The following KIAA1217 variants were observed in gnomAD, a reference collection of about 807,000 sequenced individuals.
The protein encoded by KIAA1217 is KIAA1217, also known as sickle tail protein homolog.
A neutral mutation model predicts 163.9 loss-of-function variants in KIAA1217; 88 were observed. The ratio of observed to expected loss-of-function variants is 0.54; its 90% CI spans 0.45 to 0.64. KIAA1217 has a LOEUF of 0.64. KIAA1217 is among the 30% of genes least tolerant of loss of function. KIAA1217 has a pLI of 0.00. For synonymous variants in KIAA1217, 903 were observed against 923.1 expected, an observed-to-expected ratio of 0.98 and a Z score of 0.39; for missense variants, 2,372 against 2,475.0, an observed-to-expected ratio of 0.96 and a Z score of 0.88.
chr10:24,223,453 T>G (rs1325706750), intron 2 of KIAA1217, among the ~76,000 whole-genome samples: 1 of 152,156 alleles, frequency 6.6e-6, no homozygotes, highest in Admixed American at 6.5e-5. Context: ...CTGGACCTTC[T>G]CAGTATGGAC....
chr10:23,837,881 AC>A (rs1280546077), intron 1 of KIAA1217, among the ~76,000 whole-genome samples: 2 of 152,076 alleles, frequency 1.3e-5, no homozygotes, highest in African/African-American at 4.8e-5. Flanking sequence ...ACTTCGTCAT[AC>A]TGGCTGTTAT....
At chr10:24,317,169 ATGAT>A (rs375945004) in intron 2 of KIAA1217, among the ~76,000 whole-genome samples, 32 of 152,326 alleles carry the variant, frequency 2.1e-4, no homozygotes, top group Admixed American at 4.6e-4. Flanking sequence ...GAGAGCAGAA[ATGAT>A]TGATTATGTT....
intron 2 of KIAA1217, among the ~76,000 whole-genome samples, chr10:24,051,747 T>A (rs922483264): frequency 2.0e-5 from 3 of 152,196 alleles, no homozygotes; most frequent in Non-Finnish European, 2.9e-5. Context: ...TATTTGTATA[T>A]CTTCTTTTGA....
chr10:24,104,468 T>C (rs541465092), intron 2 of KIAA1217, among the ~76,000 whole-genome samples: 69 of 152,082 alleles, frequency 4.5e-4, no homozygotes, highest in African/African-American at 1.6e-3. Flanking sequence ...AAAAGGCAAC[T>C]AGGGAGAAAG....
intron 2 of KIAA1217, among the ~76,000 whole-genome samples, chr10:24,070,031 T>C (rs1037592369): frequency 5.9e-5 from 9 of 152,140 alleles, no homozygotes; most frequent in Non-Finnish European, 1.2e-4. Context: ...GTAGAGATAG[T>C]GTCTCACTGT....
chr10:24,479,358 C>T (rs998286981), intron 6 of KIAA1217, among the ~76,000 whole-genome samples: 3 of 151,890 alleles, frequency 2.0e-5, no homozygotes, highest in African/African-American at 4.9e-5. Flanking sequence ...ACTGGAAGAC[C>T]TTTGAAGATT....
At chr10:24,524,992 AGGT>A (rs1398269440) in intron 13 of KIAA1217, among the ~76,000 whole-genome samples, 4 of 151,838 alleles carry the variant, frequency 2.6e-5, no homozygotes, top group African/African-American at 9.7e-5. Flanking sequence ...GCCTGTAGGA[AGGT>A]GAGACACCTG....
intron 2 of KIAA1217, among the ~76,000 whole-genome samples, chr10:24,366,136 T>C (rs2050749625): frequency 6.6e-6 from 1 of 152,190 alleles, no homozygotes; most frequent in African/African-American, 2.4e-5. Flanking sequence ...GCCATGTTTT[T>C]TTAAAAAGTT....
At chr10:24,108,266 T>C (rs932575349) in intron 2 of KIAA1217, among the ~76,000 whole-genome samples, 2 of 152,216 alleles carry the variant, frequency 1.3e-5, no homozygotes, top group African/African-American at 4.8e-5. Context: ...CTAGGATTAC[T>C]TCACAGCCAA....
In KIAA1217 at chr10:24,088,798, G is replaced by C. The variant is rs2061816272; in HGVS notation, c.-171+81424G>C. Among the ~76,000 whole-genome samples the C allele has an allele frequency of 2.4e-5, 3 of 124,216 alleles. 1 individual carries two copies. The highest frequency in any genetic ancestry group is 2.0e-5 in the Non-Finnish European group (1 of 50,212). The allele number at this position is 124,216 out of a possible 152,430, so 81.5% of individuals were successfully genotyped here. A position where few individuals can be genotyped will look rare whatever the true frequency, so the allele number is the denominator to read the frequency against. On this transcript the variant is annotated intron_variant, in intron 2 of 18. Coordinates refer to the KIAA1217 transcript ENST00000376462. Reference sequence around the variant, plus strand: ...ATAGCAGCATGATTTATAAGCCTTTGGGTATATATCCAGTAATGGGATGGC... The same window carrying C: ...ATAGCAGCATGATTTATAAGCCTTTCGGTATATATCCAGTAATGGGATGGC...
intron 2 of KIAA1217, among the ~76,000 whole-genome samples, chr10:24,261,535 C>G (rs2075727785): frequency 6.6e-6 from 1 of 151,044 alleles, no homozygotes; most frequent in Non-Finnish European, 1.5e-5. Context: ...TGGTGCTGAG[C>G]TGACCTCTTG....
chr10:24,368,047 T>G (rs1036535251), intron 2 of KIAA1217, among the ~76,000 whole-genome samples: 2 of 152,228 alleles, frequency 1.3e-5, no homozygotes, highest in Non-Finnish European at 2.9e-5. Flanking sequence ...AAGCTCAATT[T>G]AGAAAGTTCC....
intron 1 of KIAA1217, among the ~76,000 whole-genome samples, chr10:23,996,829 G>A (rs1401315949): frequency 7.2e-5 from 11 of 152,058 alleles, no homozygotes; most frequent in African/African-American, 2.7e-4. Context: ...AGAATGAAGA[G>A]AGATGCTAGT....
At chr10:23,830,632 C>T (rs1252321544) in intron 1 of KIAA1217, among the ~76,000 whole-genome samples, 7 of 151,438 alleles carry the variant, frequency 4.6e-5, no homozygotes, top group South Asian at 2.1e-4. Flanking sequence ...GATAGGGAGA[C>T]AGATGATAGA....
intron 2 of KIAA1217, among the ~76,000 whole-genome samples, chr10:24,375,762 C>T (rs1209531893): frequency 6.6e-6 from 1 of 152,184 alleles, no homozygotes; most frequent in Non-Finnish European, 1.5e-5. Flanking sequence ...TGAAGTAAAA[C>T]TTCATCACGG....
At chr10:24,328,533 G>C (rs1230603406) in intron 2 of KIAA1217, among the ~76,000 whole-genome samples, 3 of 151,768 alleles carry the variant, frequency 2.0e-5, no homozygotes, top group African/African-American at 7.3e-5. Flanking sequence ...ATAAACATTG[G>C]CTCTATGGAA....
intron 2 of KIAA1217, among the ~76,000 whole-genome samples, chr10:24,146,969 T>C (rs1218985951): frequency 6.7e-6 from 1 of 148,516 alleles, no homozygotes; most frequent in African/African-American, 2.5e-5. Context: ...ATTTCCGTGT[T>C]CCTAAGAATC....
At chr10:23,730,328 T>C (rs1200228364) in intron 1 of KIAA1217, among the ~76,000 whole-genome samples, 2 of 152,240 alleles carry the variant, frequency 1.3e-5, no homozygotes, top group Non-Finnish European at 2.9e-5. Flanking sequence ...TTTCCTTTTC[T>C]TATTTGTCAA....
intron 2 of KIAA1217, among the ~76,000 whole-genome samples, chr10:24,137,310 A>T (rs2063870753): frequency 6.6e-6 from 1 of 152,154 alleles, no homozygotes; most frequent in South Asian, 2.1e-4. Flanking sequence ...TCCTGCAGAG[A>T]CCCAATGACT....
Sources: allele counts gnomAD v4.1 joint callset (sites outside exome capture counted in the v4.1 genomes callset), GRCh38; gene constraint gnomAD v4.1.1; transcripts MANE v1.5; gene names NCBI Gene and HGNC (gene_info 2026-07-23, HGNC 2026-07-21).